The following TIMD4 variants were observed in gnomAD, a reference collection of about 807,000 sequenced individuals.
TIMD4 encodes the protein T-cell immunoglobulin and mucin domain-containing protein 4.
In TIMD4, 31 loss-of-function variants were observed where a neutral mutation model predicts 41.2. That is an observed-to-expected ratio of 0.75 (90% confidence interval 0.57 to 1.01). The LOEUF (loss-of-function observed/expected upper bound fraction) is 1.01, where lower values mean the gene tolerates loss of function less well. Among genes scored for constraint, TIMD4 ranks in the 50% least tolerant of loss-of-function variants. The probability of loss-of-function intolerance (pLI) is 0.00; values close to 1 mark genes in which losing one functional copy is unlikely to be tolerated. For synonymous variants in TIMD4, 204 were observed against 177.1 expected (o/e 1.15, Z -1.21); for missense variants, 479 against 472.5 (o/e 1.01, Z -0.13).
rs183526879 is a variant in TIMD4, at chr5:156,924,439, C to A, written c.894+1824G>T. 5 of 482,144 alleles carry A rather than the reference C, an allele frequency of 1.0e-5. No homozygotes were observed. In the East Asian group the frequency reaches 2.9e-4, roughly 28 times the overall value. 29.9% of individuals were successfully genotyped at this position (482,144 alleles called of 1,614,324 possible). A position where few individuals can be genotyped will look rare whatever the true frequency, so the allele number is the denominator to read the frequency against. ...TATGAATATCTCCAAAATGCACCTG[C>A]TGGATTTTTTCCAGGACTGGGTGTT... On this transcript the variant is annotated intron_variant, in intron 6 of 8. Transcript: ENST00000274532.
chr5:156,934,440 G>T lies in TIMD4; in HGVS notation c.845-8128C>A, dbSNP rs188592984. ...CTAGCTAGTGTGTGTGGTTTTTTTT[G>T]TTTGTTTGTTTGTTTTGTTTTGTTT... On this transcript the variant is annotated intron_variant, in intron 5 of 8. Coordinates refer to ENST00000274532, the MANE Select transcript of TIMD4 (RefSeq NM_138379.3). 2.1e-3 allele frequency among the ~76,000 whole-genome samples: 315 copies of T among 151,676 alleles called. 1 individual carries two copies. Among genetic ancestry groups the T allele is most frequent in the African/African-American group, 6.9e-3 (284 of 41,216 alleles).
chr5:156,949,346 C>T (rs1283199744), intron 4 of TIMD4, among the ~76,000 whole-genome samples: 1 of 152,146 alleles, frequency 6.6e-6, no homozygotes, highest in East Asian at 1.9e-4. Flanking sequence ...TAAAAGCAAA[C>T]ATCCTAGAGA....
At position 156,948,455 on chromosome 5, in the gene TIMD4, A is replaced by G; in HGVS notation, c.805T>C (p.Trp269Arg). 1 of 1,556,310 alleles carries G rather than the reference A, an allele frequency of 6.4e-7. No homozygotes were observed. The highest frequency in any genetic ancestry group is 2.4e-5 in the East Asian group (1 of 41,970). Residue 269 changes from tryptophan to arginine, a missense_variant, in exon 5 of 9, where the codon TGG becomes CGG. Trp to Arg is a moderately radical substitution (Grantham distance 101, BLOSUM62 -3). Transcript: ENST00000274532. ...GAAGACACAGAATCACTCGTTTTCC[A>G]CATTGACACGTGGGATGTTGATGGG... ...DLPSTSHVSM[W>R]KTSDSVSSPQ...
At chr5:156,940,086 GC>G (rs1395071953) in intron 5 of TIMD4, among the ~76,000 whole-genome samples, 1 of 152,252 alleles carries the variant, frequency 6.6e-6, no homozygotes, top group Non-Finnish European at 1.5e-5. Flanking sequence ...CCTGCTGAGT[GC>G]CTGGGATTGC....
intron 1 of TIMD4, among the ~76,000 whole-genome samples, chr5:156,957,044 T>G (rs1204637406): frequency 6.6e-6 from 1 of 152,048 alleles, no homozygotes; most frequent in East Asian, 1.9e-4. Flanking sequence ...TTTTTTTTTT[T>G]TTTTAAAGAC....
At position 156,954,660 on chromosome 5, in the gene TIMD4, A is replaced by C; in HGVS notation, c.155T>G (p.Met52Arg). The C allele has an allele frequency of 6.2e-7, 1 of 1,614,228 alleles. No homozygotes were observed. The highest frequency in any genetic ancestry group is 8.5e-7 in the Non-Finnish European group (1 of 1,180,036). ...GGGGCACTGGTCTTTCCCCCAGCAC[A>C]TGCTGTTGCTGTTGTGAGACCAGGA... ...YSSWSHNSNS[M>R]CWGKDQCPYS... The change falls in exon 2 of 9, where the codon ATG becomes AGG. Residue 52 changes from methionine to arginine, a missense_variant. By Grantham distance (91) the Met-to-Arg change is moderately conservative (BLOSUM62 -1). Transcript: ENST00000274532.
intron 5 of TIMD4, among the ~76,000 whole-genome samples, chr5:156,943,112 G>A (rs1397433395): frequency 1.3e-5 from 2 of 152,192 alleles, no homozygotes; most frequent in African/African-American, 2.4e-5. Flanking sequence ...TCTATATACT[G>A]ATCAGGAACA....
rs112317776 is a variant in TIMD4, at chr5:156,961,512, G to A, written c.58+1629C>T. Among the ~76,000 whole-genome samples, 1,024 of 152,216 alleles carry A rather than the reference G, an allele frequency of 6.7e-3. 15 individuals carry two copies. Among genetic ancestry groups the A allele is most frequent in the African/African-American group, 0.024 (977 of 41,536 alleles). ...CAATGGATGAATGGATAAAGAAAAT[G>A]TGGTATATGGCCAGGTGCGGTGACT... is the stretch of plus-strand genomic sequence containing the variant. On this transcript the variant is annotated intron_variant, in intron 1 of 8. Transcript: ENST00000274532.
At chr5:156,924,949 CT>C (rs1301447303) in intron 6 of TIMD4, among the ~76,000 whole-genome samples, 1 of 152,068 alleles carries the variant, frequency 6.6e-6, no homozygotes, top group African/African-American at 2.4e-5. Flanking sequence ...TTAGAACTCC[CT>C]GTACTCATGT....
At chr5:156,922,378 C>A (rs1244639500) in intron 6 of TIMD4, among the ~76,000 whole-genome samples, 162 bp from the exon 7 acceptor site, 1 of 152,174 alleles carries the variant, frequency 6.6e-6, no homozygotes, top group Admixed American at 6.5e-5. Context: ...TGACCCATAT[C>A]CCAAAATTTT....
intron 5 of TIMD4, among the ~76,000 whole-genome samples, chr5:156,932,245 T>C (rs1364573568): frequency 6.6e-6 from 1 of 152,214 alleles, no homozygotes; most frequent in African/African-American, 2.4e-5. Flanking sequence ...TTTTCAATGG[T>C]AAAATATTAT....
Position 156,919,501 on chromosome 5 carries a change from C to A in TIMD4, c.1093G>T (p.Val365Leu), listed in dbSNP as rs7731575. 1.0e-4 allele frequency: 165 copies of A among 1,613,902 alleles called. No individual in the cohort carries two copies. Among genetic ancestry groups the A allele is most frequent in the Admixed American group, 2.0e-4 (12 of 59,992 alleles). The change falls in exon 9 of 9, where the codon GTG (valine) becomes TTG (leucine). Residue 365 changes from valine (V) to leucine (L), a missense_variant. Val to Leu is a conservative substitution (Grantham distance 32). Transcript: ENST00000274532. ...TCTTCGTCTTCCCTTCCATGCTGCA[C>A]GTCATTGAGGACATTTTTACTATCT... The part of the protein sequence containing the change: ...IGDSKNVLND[V>L]QHGREDEDGL...
At chr5:156,926,698 T>C (rs1375509645) in intron 5 of TIMD4, among the ~76,000 whole-genome samples, 2 of 152,220 alleles carry the variant, frequency 1.3e-5, no homozygotes, top group African/African-American at 2.4e-5. Context: ...GTGTGATAGC[T>C]ATACCTTGGA....
chr5:156,959,972 G>A (rs1391370985), intron 1 of TIMD4, among the ~76,000 whole-genome samples: 11 of 152,036 alleles, frequency 7.2e-5, no homozygotes, highest in African/African-American at 2.7e-4. Flanking sequence ...GAGCCTGGGA[G>A]GCAGAAGTTG....
chr5:156,948,393 A>T (rs780313525), intron 5 of TIMD4, 23 bp downstream of exon 5: 41 of 1,318,454 alleles, frequency 3.1e-5, no homozygotes, highest in Non-Finnish European at 3.2e-5. Flanking sequence ...AAAATAAAAT[A>T]AAAAAAATCA....
At chr5:156,961,555 C>A (rs1225009234) in intron 1 of TIMD4, among the ~76,000 whole-genome samples, 1 of 151,774 alleles carries the variant, frequency 6.6e-6, no homozygotes, top group East Asian at 1.9e-4. Context: ...ATAAGCCCAG[C>A]ACTTTGGGAG....
chr5:156,930,367 T>C (rs1030088404), intron 5 of TIMD4, among the ~76,000 whole-genome samples: 2 of 152,238 alleles, frequency 1.3e-5, no homozygotes, highest in Non-Finnish European at 2.9e-5. Flanking sequence ...TGATGGAGGT[T>C]GGACAGGTGG....
At position 156,952,618 on chromosome 5, in the gene TIMD4, C is replaced by T. The variant is rs574277843; in HGVS notation, c.401-828G>A. ...ACTCTCATGTCTCAGCTAAAGGTTA[C>T]TTCTGCAAGGAGGCCATGTAGATTC... is the stretch of plus-strand genomic sequence containing the variant. On this transcript the variant is annotated intron_variant, in intron 2 of 8. Transcript: ENST00000274532. 4.6e-5 allele frequency among the ~76,000 whole-genome samples: 7 copies of T among 152,306 alleles called. No individual in the cohort carries two copies. The South Asian group carries it at 8.3e-4, about 18-fold the overall frequency.
chr5:156,932,325 C>T (rs1208907619), intron 5 of TIMD4, among the ~76,000 whole-genome samples: 1 of 152,150 alleles, frequency 6.6e-6, no homozygotes, highest in Admixed American at 6.5e-5. Flanking sequence ...GGGTGTTTAT[C>T]ATTTCCCTGA....
Sources: gnomAD v4.1 joint callset for allele counts (sites outside exome capture counted in the v4.1 genomes callset) on GRCh38, gnomAD v4.1.1 for gene constraint, MANE v1.5 for transcripts, NCBI Gene and HGNC (gene_info 2026-07-23, HGNC 2026-07-21) for gene names.